The following NTRK1 variants were observed in gnomAD, a reference collection of about 807,000 sequenced individuals.
The protein encoded by NTRK1 is neurotrophic receptor tyrosine kinase 1.
A neutral mutation model predicts 86.8 loss-of-function variants in NTRK1; 62 were observed. That is an observed-to-expected ratio of 0.71 (90% CI 0.58 to 0.88). The LOEUF (loss-of-function observed/expected upper bound fraction) is 0.88. Ranked by LOEUF, NTRK1 falls within the 40% of genes least tolerant of loss-of-function variation. The pLI, the probability that NTRK1 is intolerant of heterozygous loss-of-function variation, is 0.00. For synonymous variants in NTRK1, 469 were observed against 456.6 expected, an observed-to-expected ratio of 1.03 and a Z score of -0.35; for missense variants, 967 against 1,078.4, an observed-to-expected ratio of 0.90 and a Z score of 1.45.
chr1:156,853,817 C>T (rs778849368), intron 2 of NTRK1: 3 of 1,613,256 alleles, frequency 1.9e-6, no homozygotes, highest in African/African-American at 1.3e-5. Flanking sequence ...GGTCTTGGCA[C>T]AGGGCTCACC....
upstream of NTRK1, among the ~76,000 whole-genome samples, chr1:156,857,338 C>T (rs1315682616): frequency 1.3e-5 from 2 of 152,196 alleles, no homozygotes; most frequent in Non-Finnish European, 2.9e-5. Context: ...CTCAGGCGCC[C>T]ACTTCCCATC....
At chr1:156,827,571 A>AT (rs1242126375) in intron 1 of NTRK1, among the ~76,000 whole-genome samples, 3 of 151,940 alleles carry the variant, frequency 2.0e-5, no homozygotes, top group South Asian at 2.1e-4. Flanking sequence ...CTATTTTTAA[A>AT]TTTTTTTGTA....
intron 1 of NTRK1, among the ~76,000 whole-genome samples, chr1:156,863,660 T>TTGTG (rs35148211): frequency 2.6e-4 from 39 of 149,468 alleles, no homozygotes; most frequent in East Asian, 2.0e-3. Context: ...GCAGAGATGT[T>TTGTG]TGTGTGTGTG....
rs535798216 is a variant in NTRK1 at position 156,840,942 on chromosome 1, G to T, written c.-63-1139G>T. Reference sequence around the variant, plus strand: ...TGGGTGAGGAGTCAGGCTCTGCATCGGTGGTAGGCAGGGAGCCCCGGGCCC... The same window carrying T: ...TGGGTGAGGAGTCAGGCTCTGCATCTGTGGTAGGCAGGGAGCCCCGGGCCC... On this transcript the variant is annotated intron_variant, in intron 1 of 16. Coordinates refer to the NTRK1 transcript ENST00000392302. 43 of 1,613,962 alleles carry T rather than the reference G, an allele frequency of 2.7e-5. No homozygotes were observed. In the Admixed American group the frequency reaches 5.3e-4, roughly 20 times the overall value.
intron 14 of NTRK1, among the ~76,000 whole-genome samples, chr1:156,877,728 C>T (rs547939095): frequency 1.3e-5 from 2 of 152,320 alleles, no homozygotes; most frequent in African/African-American, 2.4e-5. Context: ...GATGAGCAAG[C>T]GCTGTATGGT....
chr1:156,865,112 A>G, intron 3 of NTRK1: 1 of 420,926 alleles, frequency 2.4e-6, no homozygotes, highest in Non-Finnish European at 4.5e-6. Flanking sequence ...AAGCGGCAGG[A>G]GCAGGACTCC....
In NTRK1 at chr1:156,877,971, C is replaced by T. The variant is rs145907422; in HGVS notation, c.1806-1151C>T. ...CCAAGAAGGCCAGGGAGGAGCCTAT[C>T]TCTTTGCTCCCAGACATGGCATAGG... On this transcript the variant is annotated intron_variant, in intron 14 of 16. Transcript: ENST00000524377. 2.5e-4 allele frequency among the ~76,000 whole-genome samples: 38 copies of T among 152,310 alleles called. 1 individual carries two copies. The East Asian group carries it at 7.1e-3, about 29-fold the overall frequency.
Position 156,853,888 on chromosome 1 carries a change from G to A in NTRK1, c.51-10466G>A, listed in dbSNP as rs369512155. 26 of 1,614,044 alleles carry A rather than the reference G, an allele frequency of 1.6e-5. No homozygotes were observed. In the African/African-American group the frequency reaches 2.0e-4, roughly 12 times the overall value. Reference sequence around the variant, plus strand: ...ACTCCTCGCCCAGCTTGTTGCCCACGATGTGGTTGGCGCCAGGTGCTGGCT... The same window carrying A: ...ACTCCTCGCCCAGCTTGTTGCCCACAATGTGGTTGGCGCCAGGTGCTGGCT... On this transcript the variant is annotated intron_variant, in intron 2 of 16. Transcript: ENST00000392302.
intron 3 of NTRK1, 74 bp from the exon 4 acceptor site, chr1:156,866,836 C>G (rs753162874): frequency 1.2e-4 from 185 of 1,502,230 alleles, no homozygotes; most frequent in Admixed American, 1.5e-4. Context: ...CTTGGCTCCT[C>G]CCCTCCCTCA....
chr1:156,829,187 T>C lies in NTRK1; in HGVS notation c.-63-12894T>C, dbSNP rs145940097. Among the ~76,000 whole-genome samples, 501 of 152,110 alleles carry C rather than the reference T, an allele frequency of 3.3e-3. 3 individuals carry two copies. Among genetic ancestry groups the C allele is most frequent in the African/African-American group, 0.011 (470 of 41,508 alleles). ...GAGGATGACAGTGTAGGGTGTTAGA[T>C]GTAGAGTAGGTGACGCTTTTGGAAG... On this transcript the variant is annotated intron_variant, in intron 1 of 16. Transcript: ENST00000392302.
exon 2 of NTRK1, chr1:156,842,136 G>A (rs1473513850): frequency 5.6e-6 from 9 of 1,613,996 alleles, no homozygotes; most frequent in Admixed American, 1.7e-5. Flanking sequence ...GTGAAGTCCT[G>A]GGACACCATG....
chr1:156,874,896 C>G lies in NTRK1; in HGVS notation c.1252-10C>G, dbSNP rs1205296861. On this transcript the variant is annotated splice_polypyrimidine_tract_variant and intron_variant, in intron 10 of 16. Transcript: ENST00000524377. ...AGCCCCTGGATCTAACTACCCCTGT[C>G]CCCCACCAGGTCTCGGTGGCTGTGG... The G allele has an allele frequency of 6.3e-7, 1 of 1,597,200 alleles. No homozygotes were observed. The highest frequency in any genetic ancestry group is 8.6e-7 in the Non-Finnish European group (1 of 1,164,962).
At chr1:156,816,906 G>C (rs1350931835) in intron 1 of NTRK1, 1 of 444,204 alleles carries the variant, frequency 2.3e-6, no homozygotes, top group African/African-American at 2.0e-5. Context: ...CGGAAGCCAC[G>C]CAGCTGTAGA....
At chr1:156,853,925 C>T in intron 2 of NTRK1, 1 of 1,614,114 alleles carries the variant, frequency 6.2e-7, no homozygotes, top group South Asian at 1.1e-5. Flanking sequence ...CAGCAGTCCC[C>T]AGTCAATGGT....
chr1:156,852,032 G>A (rs1407241887), intron 2 of NTRK1: 5 of 1,613,538 alleles, frequency 3.1e-6, no homozygotes, highest in African/African-American at 2.7e-5. Flanking sequence ...ATACTGGTAG[G>A]TGCCTGGCGG....
chr1:156,845,854 C>T (rs1390761309), intron 2 of NTRK1: 2 of 1,578,370 alleles, frequency 1.3e-6, no homozygotes, highest in Non-Finnish European at 1.7e-6. Context: ...GACAGGCGGT[C>T]TACCCGCCTC....
At chr1:156,817,104 C>T (rs1478547344) in intron 1 of NTRK1, among the ~76,000 whole-genome samples, 3 of 136,276 alleles carry the variant, frequency 2.2e-5, no homozygotes, top group Admixed American at 7.9e-5. Context: ...TTCTTTCTCT[C>T]TGGAAAATCT....
chr1:156,879,347 C>T lies in NTRK1; in HGVS notation c.2031C>T (p.Ser677=), dbSNP rs746165682. ...GDFGMSRDIY[S]TDYYRVGGRT... Reference sequence around the variant, plus strand: ...TTGGCATGAGCAGGGATATCTACAGCACCGACTATTACCGTGTAAGGGTCC... The same window carrying T: ...TTGGCATGAGCAGGGATATCTACAGTACCGACTATTACCGTGTAAGGGTCC... The change falls in exon 15 of 17, where the codon AGC becomes AGT. Residue 677 remains serine, a synonymous_variant. Coordinates refer to ENST00000524377, the MANE Select transcript of NTRK1 (RefSeq NM_002529.4). 1.9e-6 allele frequency: 3 copies of T among 1,607,106 alleles called. No individual in the cohort carries two copies. The South Asian group carries it at 3.3e-5, about 18-fold the overall frequency.
At chr1:156,816,013 T>C (rs756122528) in intron 1 of NTRK1, 2 of 1,613,886 alleles carry the variant, frequency 1.2e-6, no homozygotes, top group Non-Finnish European at 1.7e-6. Context: ...CACCGCAGTG[T>C]AGCCCAGGTT....
Sources: gnomAD v4.1 joint callset for allele counts (sites outside exome capture counted in the v4.1 genomes callset) on GRCh38, gnomAD v4.1.1 for gene constraint, MANE v1.5 for transcripts, NCBI Gene and HGNC (gene_info 2026-07-23, HGNC 2026-07-21) for gene names.